Variants in ANK3 observed in about 807,000 individuals in gnomAD.
The protein encoded by ANK3 is ankyrin-3.
A neutral mutation model predicts 370.9 loss-of-function variants in ANK3; 57 were observed. That is an observed-to-expected ratio of 0.15 (90% CI 0.12 to 0.19). The LOEUF (loss-of-function observed/expected upper bound fraction) is 0.19. Ranked by LOEUF, ANK3 falls within the 10% of genes least tolerant of loss-of-function variation. The probability of loss-of-function intolerance (pLI) is 1.00; values close to 1 mark genes in which losing one functional copy is unlikely to be tolerated. For synonymous variants in ANK3, 1,929 were observed against 1,946.3 expected, an observed-to-expected ratio of 0.99 and a Z score of 0.23; for missense variants, 4,439 against 5,302.1, an observed-to-expected ratio of 0.84 and a Z score of 5.06.
intron 42 of ANK3, chr10:60,043,406 T>G: frequency 1.0e-6 from 1 of 983,480 alleles, no homozygotes; most frequent in South Asian, 4.7e-5. Flanking sequence ...ATGTAAACAT[T>G]GTCTATTGAA....
chr10:60,120,911 G>A (rs1443162306), intron 25 of ANK3, among the ~76,000 whole-genome samples: 4 of 152,026 alleles, frequency 2.6e-5, no homozygotes, highest in East Asian at 1.9e-4. Flanking sequence ...GAGGTTCCTC[G>A]AAAAACTGAA....
intron 2 of ANK3, among the ~76,000 whole-genome samples, chr10:60,466,197 G>T (rs1202013803): frequency 1.3e-5 from 2 of 152,132 alleles, no homozygotes; most frequent in East Asian, 1.9e-4. Context: ...GATAAAGAGG[G>T]CATAATTGTC....
At chr10:60,720,404 C>A (rs1324417765) in intron 1 of ANK3, among the ~76,000 whole-genome samples, 1 of 152,076 alleles carries the variant, frequency 6.6e-6, no homozygotes, top group Non-Finnish European at 1.5e-5. Context: ...ATCTACTATA[C>A]TATGTTATTT....
chr10:60,139,120 G>A, intron 23 of ANK3, 33 bp from the exon 24 acceptor site: 1 of 1,600,816 alleles, frequency 6.2e-7, no homozygotes. Context: ...CACATCAAAA[G>A]CTTCCCTTTT....
chr10:60,370,775 G>A (rs1044781462), intron 1 of ANK3, among the ~76,000 whole-genome samples: 4 of 152,130 alleles, frequency 2.6e-5, no homozygotes, highest in Admixed American at 1.3e-4. Flanking sequence ...GTAGATTTCC[G>A]TGTTCTCGGA....
rs770145255 is a variant in ANK3 at position 60,026,761 on chromosome 10, C to A, written c.*3085G>T. The A allele has an allele frequency of 6.6e-6, 1 of 152,082 alleles. No homozygotes were observed. The highest frequency in any genetic ancestry group is 1.5e-5 in the Non-Finnish European group (1 of 67,980). 9.4% of individuals were successfully genotyped at this position (152,082 alleles called of 1,614,324 possible). A position where few individuals can be genotyped will look rare whatever the true frequency, so the allele number is the denominator to read the frequency against. On this transcript the variant is annotated 3_prime_UTR_variant, in exon 44 of 44. Transcript: ENST00000280772. ...TGAAATAATACTGCATAGTGTATTGCCATAATTTGGCAATACAGTGATAGC... is the reference window on the plus strand; with the variant it reads ...TGAAATAATACTGCATAGTGTATTGACATAATTTGGCAATACAGTGATAGC...
intron 25 of ANK3, among the ~76,000 whole-genome samples, chr10:60,132,207 C>G (rs973040511): frequency 6.6e-6 from 1 of 152,176 alleles, no homozygotes; most frequent in Non-Finnish European, 1.5e-5. Flanking sequence ...CAAGTGCTTT[C>G]TCTAGTGCTA....
intron 2 of ANK3, among the ~76,000 whole-genome samples, chr10:60,613,130 TA>T (rs1256446960): frequency 4.6e-5 from 7 of 152,196 alleles, no homozygotes; most frequent in Non-Finnish European, 7.4e-5. Context: ...TTCATCAGAG[TA>T]TTGTTGAAAT....
In ANK3 at chr10:60,307,498, AT is replaced by A. The variant is rs199758262; in HGVS notation, c.115-27860del. Among the ~76,000 whole-genome samples the A allele has an allele frequency of 8.6e-3, 1,232 of 142,964 alleles. 6 individuals carry two copies. The highest frequency in any genetic ancestry group is 0.015 in the South Asian group (67 of 4,500). 93.8% of individuals were successfully genotyped at this position (142,964 alleles called of 152,430 possible). Reference sequence around the variant, plus strand: ...CAGGTGTGTGCCACTATGCCTGGCTATTTTTTTTTTTTTTAATTTTTAGTAG... The same window carrying A: ...CAGGTGTGTGCCACTATGCCTGGCTATTTTTTTTTTTTTAATTTTTAGTAG... On this transcript the variant is annotated intron_variant, in intron 1 of 43. Transcript: ENST00000280772.
intron 2 of ANK3, among the ~76,000 whole-genome samples, chr10:60,438,234 T>C (rs2064206729): frequency 6.6e-6 from 1 of 151,942 alleles, no homozygotes. Flanking sequence ...AATATGTATG[T>C]ATGTACATAT....
chr10:60,301,579 A>AT (rs1161190314), intron 1 of ANK3, among the ~76,000 whole-genome samples: 1 of 151,644 alleles, frequency 6.6e-6, no homozygotes, highest in African/African-American at 2.4e-5. Flanking sequence ...TGTCTGGCTA[A>AT]TTTTTGTATT....
At chr10:60,362,579 T>C (rs567175268) in intron 1 of ANK3, among the ~76,000 whole-genome samples, 2 of 152,312 alleles carry the variant, frequency 1.3e-5, no homozygotes, top group African/African-American at 2.4e-5. Flanking sequence ...AGGATCTTAA[T>C]GAATACGATT....
chr10:60,352,030 C>T (rs558156700), intron 1 of ANK3, among the ~76,000 whole-genome samples: 1 of 152,356 alleles, frequency 6.6e-6, no homozygotes, highest in South Asian at 2.1e-4. Context: ...CACGCAGTGG[C>T]TCATGCTGAT....
At chr10:60,088,660 G>A (rs754655619) in intron 28 of ANK3, among the ~76,000 whole-genome samples, 3 of 152,180 alleles carry the variant, frequency 2.0e-5, no homozygotes, top group South Asian at 2.1e-4. Context: ...CGCGACCTCC[G>A]GTGATCTGCC....
At chr10:60,170,527 C>T (rs767571849) in intron 21 of ANK3, among the ~76,000 whole-genome samples, 1 of 152,188 alleles carries the variant, frequency 6.6e-6, no homozygotes, top group Non-Finnish European at 1.5e-5. Context: ...GTTTTAGAGA[C>T]TTCTCTGGAC....
Position 60,083,602 on chromosome 10 carries a change from G to A in ANK3, c.4090C>T (p.Pro1364Ser), listed in dbSNP as rs142110623. 2.5e-6 allele frequency: 4 copies of A among 1,603,286 alleles called. No individual in the cohort carries two copies. Among genetic ancestry groups the A allele is most frequent in the Non-Finnish European group, 3.4e-6 (4 of 1,175,074 alleles). The part of the protein sequence containing the change: ...SKDIEVLEGK[P>S]IYVDCYGNLA... The stretch of plus-strand genomic sequence containing the variant: ...TTTCCATAACAATCAACATAAATAG[G>A]TTTTCCTTCCAGAACCTTTTAGAGT... Residue 1364 changes from proline to serine, a missense_variant, in exon 33 of 44, where the codon CCT becomes TCT. Around this residue, in one of 13 missense-constraint regions of ANK3, gnomAD observed 702 missense variants for 941.5 expected, o/e 0.75. Coordinates refer to ENST00000280772, the MANE Select transcript of ANK3 (RefSeq NM_020987.5).
chr10:60,504,239 G>A (rs575271410), intron 2 of ANK3, among the ~76,000 whole-genome samples: 1 of 152,192 alleles, frequency 6.6e-6, no homozygotes, highest in Non-Finnish European at 1.5e-5. Flanking sequence ...CTCAGTAAGA[G>A]TTCACTAGAG....
At chr10:60,732,233 C>A (rs544260739) in intron 1 of ANK3, among the ~76,000 whole-genome samples, 12 of 152,254 alleles carry the variant, frequency 7.9e-5, no homozygotes, top group African/African-American at 2.9e-4. Context: ...GGGTAAGTCT[C>A]CCTCCTCACC....
chr10:60,172,113 A>G (rs1234367416), intron 21 of ANK3, among the ~76,000 whole-genome samples, 195 bp downstream of exon 21: 1 of 152,244 alleles, frequency 6.6e-6, no homozygotes, highest in East Asian at 1.9e-4. Flanking sequence ...TTAAATAGGT[A>G]TTCTTAGTGT....
Sources: allele counts gnomAD v4.1 joint callset (sites outside exome capture counted in the v4.1 genomes callset), GRCh38; gene constraint gnomAD v4.1.1; regional missense constraint gnomAD v4.1.1; transcripts MANE v1.5; gene names NCBI Gene and HGNC (gene_info 2026-07-23, HGNC 2026-07-21).